TBC1D1: variants seen among roughly 807,000 people sequenced by gnomAD.
TBC1D1 encodes TBC1 domain family member 1.
TBC1D1 carries 89 observed loss-of-function variants against 125.6 expected under a neutral mutation model. The ratio of observed to expected loss-of-function variants is 0.71; its 90% CI spans 0.60 to 0.85. The LOEUF is 0.85. Among genes scored for constraint, TBC1D1 ranks in the 40% least tolerant of loss-of-function variants. TBC1D1 has a pLI of 0.00. For missense variants in TBC1D1, 1,377 were observed against 1,469.2 expected (o/e 0.94, Z 1.03); for synonymous variants, 565 against 564.1 (o/e 1.00, Z -0.02).
chr4:37,905,262 C>G lies in TBC1D1; in HGVS notation c.417+2750C>G, dbSNP rs184171085. Reference sequence around the variant, plus strand: ...AGTAAAAAACACATATATACATAAGCTTTATTTCTCAAGATAAACTTTATC... The same window carrying G: ...AGTAAAAAACACATATATACATAAGGTTTATTTCTCAAGATAAACTTTATC... On this transcript the variant is annotated intron_variant, in intron 2 of 19. Transcript: ENST00000261439. 6.3e-4 allele frequency among the ~76,000 whole-genome samples: 96 copies of G among 152,254 alleles called. 1 individual carries two copies. Among genetic ancestry groups the G allele is most frequent in the Middle Eastern group, 3.4e-3 (1 of 294 alleles).
chr4:38,069,793 G>A lies in TBC1D1; in HGVS notation c.2050+15455G>A, dbSNP rs570150825. Among the ~76,000 whole-genome samples the A allele has an allele frequency of 7.2e-5, 11 of 152,326 alleles. No homozygotes were observed. The East Asian group carries it at 9.6e-4, about 13-fold the overall frequency. ...GAGGTGGGGGAAGTATGGAGGCACC[G>A]TGGTATCAGGGAACCCCTGGGCCAA... is the stretch of plus-strand genomic sequence containing the variant. On this transcript the variant is annotated intron_variant, in intron 12 of 19. Transcript: ENST00000261439.
intron 2 of TBC1D1, among the ~76,000 whole-genome samples, chr4:37,991,547 C>T (rs544512495): frequency 2.0e-5 from 3 of 152,218 alleles, no homozygotes; most frequent in East Asian, 1.9e-4. Flanking sequence ...CTGCTGAACA[C>T]GAGCATGCAG....
At chr4:38,118,220 A>C in intron 17 of TBC1D1, 28 bp downstream of exon 19, 1 of 1,612,722 alleles carries the variant, frequency 6.2e-7, no homozygotes, top group African/African-American at 1.3e-5. Context: ...TGTTTGCCAG[A>C]ACCAGCCTTC....
At chr4:38,082,278 G>A (rs1007492994) in intron 12 of TBC1D1, among the ~76,000 whole-genome samples, 3 of 152,186 alleles carry the variant, frequency 2.0e-5, no homozygotes, top group African/African-American at 7.2e-5. Flanking sequence ...GGGGAGGCAA[G>A]GCCCAGCTTC....
chr4:37,963,360 C>A (rs991062493), intron 2 of TBC1D1, among the ~76,000 whole-genome samples: 9 of 143,358 alleles, frequency 6.3e-5, no homozygotes, highest in Admixed American at 2.2e-4. Context: ...GCAGGCCTCT[C>A]ACATGGCAGA....
Position 38,090,078 on chromosome 4 carries a change from C to T in TBC1D1, c.2197C>T (p.Leu733=). The T allele has an allele frequency of 1.9e-6, 3 of 1,614,118 alleles. No homozygotes were observed. Among genetic ancestry groups the T allele is most frequent in the Non-Finnish European group, 2.5e-6 (3 of 1,179,984 alleles). The change falls in exon 13 of 20, where the codon CTG becomes TTG. Residue 733 remains leucine (L), a synonymous_variant. Transcript: ENST00000261439. ...GCAAAAGGCTATTCTTCAACAGATACTGCTGCTTAGAATGGAGAAGGAAAA... is the reference window on the plus strand; with the variant it reads ...GCAAAAGGCTATTCTTCAACAGATATTGCTGCTTAGAATGGAGAAGGAAAA...
chr4:38,083,679 T>G (rs1192115622), intron 12 of TBC1D1, among the ~76,000 whole-genome samples: 1 of 152,182 alleles, frequency 6.6e-6, no homozygotes, highest in African/African-American at 2.4e-5. Flanking sequence ...GATAACCTGT[T>G]TGAGGTTGAG....
chr4:38,033,530 T>C (rs1048834191), intron 7 of TBC1D1, among the ~76,000 whole-genome samples: 3 of 152,246 alleles, frequency 2.0e-5, no homozygotes, highest in African/African-American at 7.2e-5. Flanking sequence ...TTCTTCATTA[T>C]AATTGATGAG....
At chr4:38,051,702 C>CT (rs988175676) in intron 11 of TBC1D1, among the ~76,000 whole-genome samples, 197 bp from the exon 12 acceptor site, 4 of 152,128 alleles carry the variant, frequency 2.6e-5, no homozygotes, top group African/African-American at 7.2e-5. Context: ...TCAATATACT[C>CT]TGTTTTTCAC....
chr4:38,130,535 G>C (rs1005383645), intron 18 of TBC1D1, among the ~76,000 whole-genome samples: 4 of 152,202 alleles, frequency 2.6e-5, no homozygotes, highest in Admixed American at 2.6e-4. Flanking sequence ...ATGACAGGAA[G>C]GCTCTAGATC....
intron 13 of TBC1D1, among the ~76,000 whole-genome samples, chr4:38,092,082 A>G (rs1333724664): frequency 6.6e-6 from 1 of 152,242 alleles, no homozygotes; most frequent in Non-Finnish European, 1.5e-5. Context: ...ACTAGCAATA[A>G]CAGCCTGATT....
chr4:38,065,180 TCAAGAGGCCA>T (rs1413154122), intron 12 of TBC1D1, among the ~76,000 whole-genome samples: 1 of 152,040 alleles, frequency 6.6e-6, no homozygotes, highest in Non-Finnish European at 1.5e-5. Flanking sequence ...TCAAGTGGCC[TCAAGAGGCCA>T]ATCCGCCTTG....
chr4:37,895,127 A>G (rs1451172383), intron 1 of TBC1D1, among the ~76,000 whole-genome samples: 2 of 152,332 alleles, frequency 1.3e-5, no homozygotes, highest in African/African-American at 4.8e-5. Flanking sequence ...GCCACTTCTT[A>G]TAGTATGGCC....
intron 18 of TBC1D1, among the ~76,000 whole-genome samples, chr4:38,129,709 C>T (rs1037192687): frequency 6.6e-6 from 1 of 151,908 alleles, no homozygotes; most frequent in Non-Finnish European, 1.5e-5. Context: ...AGCAAATGAG[C>T]CAAGAACATA....
intron 16 of TBC1D1, among the ~76,000 whole-genome samples, chr4:38,117,382 G>A (rs1256029296): frequency 1.3e-5 from 2 of 152,204 alleles, no homozygotes; most frequent in South Asian, 2.1e-4. Flanking sequence ...CTAGGAACTG[G>A]CATGAGATTT....
rs138183554 is a variant in TBC1D1, at chr4:37,900,289, C to T, written c.-93-1714C>T. On this transcript the variant is annotated intron_variant, in intron 1 of 19. Coordinates refer to ENST00000261439, the MANE Select transcript of TBC1D1 (RefSeq NM_015173.4). ...AGTGGATCCCTAGGGCAAACCAGGC[C>T]TTACAAACCAGGAATGGATGGTCAA... 1.2e-3 allele frequency among the ~76,000 whole-genome samples: 176 copies of T among 152,150 alleles called. 4 individuals are homozygous for T. In the East Asian group the frequency reaches 0.017, roughly 15 times the overall value.
chr4:37,915,304 A>G (rs1719493233), intron 2 of TBC1D1, among the ~76,000 whole-genome samples: 2 of 152,224 alleles, frequency 1.3e-5, no homozygotes, highest in Admixed American at 1.3e-4. Context: ...GTACTGGCTC[A>G]CATGATTATG....
chr4:38,081,746 A>C (rs536852390), intron 12 of TBC1D1, among the ~76,000 whole-genome samples: 12 of 152,106 alleles, frequency 7.9e-5, no homozygotes, highest in Non-Finnish European at 1.5e-4. Context: ...GGTGGATGCT[A>C]TTATTATCGG....
intron 2 of TBC1D1, among the ~76,000 whole-genome samples, chr4:37,964,244 G>A (rs1447386661): frequency 6.6e-6 from 1 of 152,236 alleles, no homozygotes; most frequent in Non-Finnish European, 1.5e-5. Flanking sequence ...ATTAGTTAAA[G>A]CAGCATTTGT....
Sources: gnomAD v4.1 joint callset for allele counts (sites outside exome capture counted in the v4.1 genomes callset) on GRCh38, gnomAD v4.1.1 for gene constraint, MANE v1.5 for transcripts, NCBI Gene and HGNC (gene_info 2026-07-23, HGNC 2026-07-21) for gene names.